RBMS2: variants seen among roughly 807,000 people sequenced by gnomAD.
RBMS2 encodes the protein RNA-binding motif, single-stranded-interacting protein 2.
Under a neutral mutation model 58.4 loss-of-function variants are expected in RBMS2, and 38 were observed. That is an observed-to-expected ratio of 0.65 (90% CI 0.50 to 0.85). The LOEUF (loss-of-function observed/expected upper bound fraction) is 0.85, where lower values mean the gene tolerates loss of function less well. Among genes scored for constraint, RBMS2 ranks in the 40% least tolerant of loss-of-function variants. The pLI, the probability that RBMS2 is intolerant of heterozygous loss-of-function variation, is 0.00. For missense variants in RBMS2, 367 were observed against 503.7 expected, an observed-to-expected ratio of 0.73 and a Z score of 2.60; for synonymous variants, 151 against 180.7, an observed-to-expected ratio of 0.84 and a Z score of 1.32.
intron 5 of RBMS2, among the ~76,000 whole-genome samples, chr12:56,573,912 C>A (rs1365397164): frequency 6.6e-6 from 1 of 152,210 alleles, no homozygotes; most frequent in Non-Finnish European, 1.5e-5. Context: ...ACAATCTTGG[C>A]TCACTGCAAC....
In RBMS2 at chr12:56,581,486, C is replaced by G; in HGVS notation, c.710C>G (p.Ala237Gly). 2 of 1,614,168 alleles carry G rather than the reference C, an allele frequency of 1.2e-6. No individual in the cohort carries two copies. The highest frequency in any genetic ancestry group is 1.7e-6 in the Non-Finnish European group (2 of 1,180,030). ...NQGKFVQNGR[A>G]WPRNADMGVM... The stretch of plus-strand genomic sequence containing the variant: ...GGAAAATTTGTGCAAAATGGACGGG[C>G]TTGGCCAAGGAATGCAGACATGGTA... Residue 237 changes from alanine to glycine, a missense_variant, in exon 7 of 14, where the codon GCT (alanine) becomes GGT (glycine). Ala to Gly is a moderately conservative substitution (Grantham distance 60). This residue lies in a region of RBMS2 where 220 missense variants were observed against 261.1 expected (regional missense o/e 0.84). Transcript: ENST00000262031.
intron 1 of RBMS2, among the ~76,000 whole-genome samples, chr12:56,548,031 T>C (rs1294321405): frequency 6.6e-6 from 1 of 152,164 alleles, no homozygotes; most frequent in Non-Finnish European, 1.5e-5. Flanking sequence ...TTTAAATTTA[T>C]TATGTACCTC....
At chr12:56,545,937 CTTT>C (rs778671118) in intron 1 of RBMS2, among the ~76,000 whole-genome samples, 3 of 14,446 alleles carry the variant, frequency 2.1e-4, no homozygotes, top group Non-Finnish European at 4.5e-4. Flanking sequence ...CCTTTCTTTT[CTTT>C]TTTTTTTTTT....
At chr12:56,581,097 G>C in intron 5 of RBMS2, 87 bp from the exon 6 acceptor site, 1 of 1,105,848 alleles carries the variant, frequency 9.0e-7, no homozygotes, top group Non-Finnish European at 1.4e-6. Flanking sequence ...TGTGGGGCTG[G>C]GAACTTAGAG....
chr12:56,546,557 T>C (rs752933079), intron 1 of RBMS2, among the ~76,000 whole-genome samples: 41 of 152,050 alleles, frequency 2.7e-4, no homozygotes, highest in Middle Eastern at 3.4e-3. Flanking sequence ...ATAGTCTAGA[T>C]CTCCTGACCT....
chr12:56,570,066 G>C (rs776947460), intron 4 of RBMS2, 76 bp downstream of exon 4: 1 of 1,365,342 alleles, frequency 7.3e-7, no homozygotes, highest in Non-Finnish European at 1.0e-6. Context: ...AAGGTTTCCA[G>C]AGGGCTTAAG....
At chr12:56,571,879 A>G in intron 5 of RBMS2, 24 bp downstream of exon 5, 2 of 1,498,750 alleles carry the variant, frequency 1.3e-6, no homozygotes, top group African/African-American at 2.8e-5. Flanking sequence ...GAGTGGGGAA[A>G]TGATGAGGTT....
chr12:56,575,546 C>A (rs1882988112), intron 5 of RBMS2, among the ~76,000 whole-genome samples: 1 of 151,712 alleles, frequency 6.6e-6, no homozygotes, highest in South Asian at 2.1e-4. Context: ...TTCCTAGTCC[C>A]CCTTACCCCT....
chr12:56,560,546 A>C (rs1170772211), intron 1 of RBMS2, among the ~76,000 whole-genome samples: 1 of 151,440 alleles, frequency 6.6e-6, no homozygotes, highest in Admixed American at 6.6e-5. Flanking sequence ...GAGCCACTGC[A>C]CCCTGCCTCA....
intron 1 of RBMS2, among the ~76,000 whole-genome samples, chr12:56,528,873 C>T (rs569782131): frequency 1.3e-5 from 2 of 151,668 alleles, no homozygotes; most frequent in South Asian, 2.1e-4. Flanking sequence ...GTCAAGGCTG[C>T]GGTTGATTGC....
chr12:56,587,643 C>T lies in RBMS2; in HGVS notation c.1041C>T (p.Leu347=), dbSNP rs751463333. The stretch of plus-strand genomic sequence containing the variant: ...CCCTTACCCAGCAACTGGGCCATCT[C>T]TCCCTCAGCAGCACAGGCACGGTAA... The part of the protein sequence containing the change: ...MGPLTQQLGH[L]SLSSTGTYMP... Residue 347 remains leucine (L), a synonymous_variant, in exon 11 of 14, where the codon CTC becomes CTT. Transcript: ENST00000262031. 5 of 1,613,572 alleles carry T rather than the reference C, an allele frequency of 3.1e-6. No individual in the cohort carries two copies. The South Asian group carries it at 5.5e-5, about 18-fold the overall frequency.
chr12:56,554,742 T>TTAAA (rs1565749377), intron 1 of RBMS2, among the ~76,000 whole-genome samples: 1 of 152,096 alleles, frequency 6.6e-6, no homozygotes. Flanking sequence ...ATAAAATGTT[T>TTAAA]TAAATAAATA....
rs965181906 is a variant in RBMS2 at position 56,591,099 on chromosome 12, A to G, written c.*1966A>G. Reference sequence around the variant, plus strand: ...TAAAATCCTGCTCTTGTCTTCTCCCAGTCACTCCCTTATGCACTGAAAGGA... The same window carrying G: ...TAAAATCCTGCTCTTGTCTTCTCCCGGTCACTCCCTTATGCACTGAAAGGA... On this transcript the variant is annotated 3_prime_UTR_variant, in exon 14 of 14. Coordinates refer to ENST00000262031, the MANE Select transcript of RBMS2 (RefSeq NM_002898.4). The G allele has an allele frequency of 2.0e-5, 3 of 152,238 alleles. No individual in the cohort carries two copies. The highest frequency in any genetic ancestry group is 7.2e-5 in the African/African-American group (3 of 41,452). 9.4% of individuals were successfully genotyped at this position (152,238 alleles called of 1,614,324 possible).
chr12:56,589,220 A>G lies in RBMS2; in HGVS notation c.*87A>G. 1 of 1,505,534 alleles carries G rather than the reference A, an allele frequency of 6.6e-7. No individual in the cohort carries two copies. Among genetic ancestry groups the G allele is most frequent in the Non-Finnish European group, 8.9e-7 (1 of 1,123,888 alleles). 93.3% of individuals were successfully genotyped at this position (1,505,534 alleles called of 1,614,324 possible). A position where few individuals can be genotyped will look rare whatever the true frequency, so the allele number is the denominator to read the frequency against. On this transcript the variant is annotated 3_prime_UTR_variant, in exon 14 of 14. Coordinates refer to ENST00000262031, the MANE Select transcript of RBMS2 (RefSeq NM_002898.4). Reference sequence around the variant, plus strand: ...CCCAGATTCCAGAGGGTTAACCAGGAATGGAGACCATCCGTCGGCCCTGCT... The same window carrying G: ...CCCAGATTCCAGAGGGTTAACCAGGGATGGAGACCATCCGTCGGCCCTGCT...
rs368897219 is a variant in RBMS2 at position 56,542,656 on chromosome 12, C to G, written c.67-19761C>G. Among the ~76,000 whole-genome samples, 32 of 150,950 alleles carry G rather than the reference C, an allele frequency of 2.1e-4. 1 individual carries two copies. The East Asian group carries it at 2.9e-3, about 14-fold the overall frequency. Reference sequence around the variant, plus strand: ...CTCAACCTCCTCGGCTCAAGTGATCCTCACAGGTCAGCCTCCTGAGTAGCT... The same window carrying G: ...CTCAACCTCCTCGGCTCAAGTGATCGTCACAGGTCAGCCTCCTGAGTAGCT... On this transcript the variant is annotated intron_variant, in intron 1 of 13. Coordinates refer to ENST00000262031, the MANE Select transcript of RBMS2 (RefSeq NM_002898.4).
intron 1 of RBMS2, among the ~76,000 whole-genome samples, chr12:56,528,942 A>G (rs1257299447): frequency 6.6e-6 from 1 of 152,060 alleles, no homozygotes; most frequent in Admixed American, 6.6e-5. Context: ...GAAAGAAAGA[A>G]AGAGAGACAT....
intron 5 of RBMS2, chr12:56,580,393 C>T (rs545148855): frequency 1.0e-4 from 31 of 310,092 alleles, no homozygotes; most frequent in Admixed American, 4.1e-4. Context: ...CCACCACTCC[C>T]GGCTAATTTT....
intron 1 of RBMS2, among the ~76,000 whole-genome samples, chr12:56,562,089 T>A (rs1279205031): frequency 6.6e-6 from 1 of 152,090 alleles, no homozygotes. Flanking sequence ...ATTACAGGTG[T>A]GAGCCACCAC....
chr12:56,555,816 C>T (rs1012269832), intron 1 of RBMS2, among the ~76,000 whole-genome samples: 3 of 151,800 alleles, frequency 2.0e-5, no homozygotes, highest in African/African-American at 7.2e-5. Context: ...GTCTCAAACT[C>T]CTGGCCTCAA....
Sources: gnomAD v4.1 joint callset for allele counts (sites outside exome capture counted in the v4.1 genomes callset) on GRCh38, gnomAD v4.1.1 for gene constraint, gnomAD v4.1.1 regional missense constraint, MANE v1.5 for transcripts, NCBI Gene and HGNC (gene_info 2026-07-23, HGNC 2026-07-21) for gene names.